The following GALNTL6 variants were observed in gnomAD, a reference collection of about 807,000 sequenced individuals.
GALNTL6 encodes polypeptide N-acetylgalactosaminyltransferase like 6, also known as polypeptide N-acetylgalactosaminyltransferase-like 6.
A neutral mutation model predicts 73.7 loss-of-function variants in GALNTL6; 46 were observed. The ratio of observed to expected loss-of-function variants is 0.62; its 90% CI spans 0.49 to 0.80. The LOEUF (loss-of-function observed/expected upper bound fraction) is 0.80, where lower values mean the gene tolerates loss of function less well. GALNTL6 is among the 30% of genes least tolerant of loss of function. The pLI, the probability that GALNTL6 is intolerant of heterozygous loss-of-function variation, is 0.00. For synonymous variants in GALNTL6, 259 were observed against 263.7 expected (o/e 0.98, Z 0.17); for missense variants, 604 against 755.0 (o/e 0.80, Z 2.34).
chr4:172,729,636 G>A (rs1747832799), intron 5 of GALNTL6, among the ~76,000 whole-genome samples: 1 of 152,090 alleles, frequency 6.6e-6, no homozygotes, highest in Admixed American at 6.6e-5. Flanking sequence ...TATTACTATA[G>A]CTTTAGAATG....
intron 11 of GALNTL6, among the ~76,000 whole-genome samples, chr4:173,014,163 T>C (rs1268924847): frequency 6.6e-6 from 1 of 152,130 alleles, no homozygotes; most frequent in Non-Finnish European, 1.5e-5. Flanking sequence ...AGAACACTGG[T>C]GGTGACTAAC....
chr4:172,960,979 G>C (rs1198536981), intron 10 of GALNTL6, among the ~76,000 whole-genome samples: 3 of 149,610 alleles, frequency 2.0e-5, no homozygotes, highest in African/African-American at 7.4e-5. Flanking sequence ...GTGGAGAAGG[G>C]GTAGAGACAC....
At chr4:173,022,030 A>AGAAG (rs750348404) in intron 12 of GALNTL6, among the ~76,000 whole-genome samples, 1,965 of 69,186 alleles carry the variant, frequency 0.028, 49 homozygotes, top group African/African-American at 0.041. Context: ...AAGGAAGGAA[A>AGAAG]GAAGGAAGGA....
intron 2 of GALNTL6, among the ~76,000 whole-genome samples, chr4:171,957,994 G>T (rs1240012936): frequency 2.0e-5 from 3 of 152,124 alleles, no homozygotes; most frequent in African/African-American, 7.2e-5. Context: ...CATGTAAAAC[G>T]TTTATGTTTT....
chr4:172,051,130 C>T (rs1464805040), intron 2 of GALNTL6, among the ~76,000 whole-genome samples: 1 of 152,046 alleles, frequency 6.6e-6, no homozygotes, highest in African/African-American at 2.4e-5. Context: ...GGATGTGTGA[C>T]AGGGGTGTGG....
intron 5 of GALNTL6, among the ~76,000 whole-genome samples, chr4:172,646,228 A>T (rs975533573): frequency 1.3e-5 from 2 of 152,030 alleles, no homozygotes; most frequent in African/African-American, 4.8e-5. Flanking sequence ...CAGCTCTTGA[A>T]TTCCTCCCTC....
At chr4:172,860,731 A>G (rs2111134956) in intron 7 of GALNTL6, among the ~76,000 whole-genome samples, 1 of 152,314 alleles carries the variant, frequency 6.6e-6, no homozygotes, top group East Asian at 1.9e-4. Context: ...TATGAAAATG[A>G]TGCCTAAAAT....
At chr4:172,652,795 A>G (rs181332564) in intron 5 of GALNTL6, among the ~76,000 whole-genome samples, 2 of 152,288 alleles carry the variant, frequency 1.3e-5, no homozygotes, top group Admixed American at 1.3e-4. Flanking sequence ...ATTAGCCAAT[A>G]CTTCTCAATT....
chr4:172,931,148 T>C lies in GALNTL6; in HGVS notation c.1042-13T>C, dbSNP rs190898395. The stretch of plus-strand genomic sequence containing the variant: ...ATTCACTGTTGTCTTTTGTTCTATT[T>C]TTCCCTCTTCAGGTTTGGATGTGTG... On this transcript the variant is annotated splice_polypyrimidine_tract_variant and intron_variant, in intron 8 of 12. Coordinates refer to ENST00000506823, the MANE Select transcript of GALNTL6 (RefSeq NM_001034845.3). 1.4e-6 allele frequency: 2 copies of C among 1,436,530 alleles called. No homozygotes were observed. Among genetic ancestry groups the C allele is most frequent in the African/African-American group, 2.8e-5 (2 of 71,570 alleles). The allele number at this position is 1,436,530 out of a possible 1,614,324, so 89.0% of individuals were successfully genotyped here. A position where few individuals can be genotyped will look rare whatever the true frequency, so the allele number is the denominator to read the frequency against.
intron 2 of GALNTL6, among the ~76,000 whole-genome samples, chr4:171,906,604 A>G (rs1737286770): frequency 6.6e-6 from 1 of 152,224 alleles, no homozygotes; most frequent in Non-Finnish European, 1.5e-5. Flanking sequence ...AAACTATTCC[A>G]ATCAATAGAA....
intron 5 of GALNTL6, among the ~76,000 whole-genome samples, chr4:172,743,584 A>G (rs1384051233): frequency 6.6e-6 from 1 of 152,096 alleles, no homozygotes; most frequent in Non-Finnish European, 1.5e-5. Flanking sequence ...ACTAAGATAC[A>G]TAAAGCAATT....
intron 5 of GALNTL6, among the ~76,000 whole-genome samples, chr4:172,428,799 A>C (rs1156387520): frequency 1.3e-5 from 2 of 152,220 alleles, no homozygotes; most frequent in African/African-American, 4.8e-5. Flanking sequence ...AATGAACGAA[A>C]ACTAAAGTAT....
At chr4:172,606,110 T>C (rs1196405292) in intron 5 of GALNTL6, among the ~76,000 whole-genome samples, 1 of 152,098 alleles carries the variant, frequency 6.6e-6, no homozygotes, top group African/African-American at 2.4e-5. Flanking sequence ...ATTCAGGCAA[T>C]GAGACTGAGA....
intron 5 of GALNTL6, among the ~76,000 whole-genome samples, chr4:172,709,749 G>T: frequency 6.6e-6 from 1 of 152,220 alleles, no homozygotes; most frequent in Admixed American, 6.5e-5. Flanking sequence ...ATAAAATCAG[G>T]ATGAATTACA....
At chr4:172,561,241 C>CAG (rs56919058) in intron 5 of GALNTL6, among the ~76,000 whole-genome samples, 5,616 of 112,628 alleles carry the variant, frequency 0.05, 399 homozygotes, top group African/African-American at 0.17. Flanking sequence ...GCCTGGGCGA[C>CAG]AGAGAGAGAC....
chr4:172,054,628 T>A (rs773205308), intron 2 of GALNTL6, among the ~76,000 whole-genome samples: 1 of 152,198 alleles, frequency 6.6e-6, no homozygotes, highest in African/African-American at 2.4e-5. Flanking sequence ...AACTCCACCC[T>A]CATGGTCAAA....
At chr4:172,151,509 G>T (rs924414149) in intron 2 of GALNTL6, among the ~76,000 whole-genome samples, 2 of 152,172 alleles carry the variant, frequency 1.3e-5, no homozygotes, top group African/African-American at 4.8e-5. Flanking sequence ...TACACATGAA[G>T]ACTTTCAGTA....
At chr4:172,471,402 T>G (rs905888493) in intron 5 of GALNTL6, among the ~76,000 whole-genome samples, 8 of 152,338 alleles carry the variant, frequency 5.3e-5, no homozygotes, top group African/African-American at 1.7e-4. Context: ...TCCCTTTCCA[T>G]TCAAACTTAA....
chr4:172,509,245 T>G (rs1734419006), intron 5 of GALNTL6, among the ~76,000 whole-genome samples: 1 of 53,682 alleles, frequency 1.9e-5, no homozygotes, highest in African/African-American at 4.7e-5. Flanking sequence ...TTTGTATATC[T>G]TCTTTTGAGA....
Sources: gnomAD v4.1 joint callset for allele counts (sites outside exome capture counted in the v4.1 genomes callset) on GRCh38, gnomAD v4.1.1 for gene constraint, MANE v1.5 for transcripts, NCBI Gene and HGNC (gene_info 2026-07-23, HGNC 2026-07-21) for gene names.